The following SERINC5 variants were observed in gnomAD, a reference collection of about 807,000 sequenced individuals.
SERINC5 encodes the protein chromosome 5 open reading frame 12.
A neutral mutation model predicts 63.1 loss-of-function variants in SERINC5; 41 were observed. The ratio of observed to expected loss-of-function variants is 0.65; its 90% confidence interval spans 0.51 to 0.84. The LOEUF (loss-of-function observed/expected upper bound fraction) is 0.84. Ranked by LOEUF, SERINC5 falls within the 40% of genes least tolerant of loss-of-function variation. The pLI is 0.00. For synonymous variants in SERINC5, 222 were observed against 215.2 expected, an observed-to-expected ratio of 1.03 and a Z score of -0.28; for missense variants, 523 against 573.0, an observed-to-expected ratio of 0.91 and a Z score of 0.89.
intron 8 of SERINC5, among the ~76,000 whole-genome samples, chr5:80,155,661 T>G (rs142545906): frequency 6.6e-6 from 1 of 151,758 alleles, no homozygotes; most frequent in African/African-American, 2.4e-5. Context: ...TCCCAGCTAC[T>G]TGGGAGGCTG....
chr5:80,249,142 G>A (rs183019598), intron 1 of SERINC5, among the ~76,000 whole-genome samples: 1,927 of 152,056 alleles, frequency 0.013, 38 homozygotes, highest in African/African-American at 0.042. Flanking sequence ...GTGAAACCCC[G>A]TCTCTACTAA....
chr5:80,155,610 G>GAAAA (rs1554061049), intron 8 of SERINC5, among the ~76,000 whole-genome samples: 1 of 148,988 alleles, frequency 6.7e-6, no homozygotes, highest in African/African-American at 2.5e-5. Context: ...GAGAGAGAGA[G>GAAAA]AAAACCATCA....
downstream of SERINC5, among the ~76,000 whole-genome samples, chr5:80,138,471 C>T (rs1038565347): frequency 3.3e-5 from 5 of 152,080 alleles, no homozygotes; most frequent in African/African-American, 1.2e-4. Context: ...TAGCACATGC[C>T]TGTAATCCCA....
chr5:80,178,537 ATTTTTTTTTTTTTTTTT>A (rs1182662594), intron 2 of SERINC5, among the ~76,000 whole-genome samples: 1 of 77,554 alleles, frequency 1.3e-5, no homozygotes, highest in Non-Finnish European at 2.4e-5. Flanking sequence ...TAATTTTTGT[ATTTTTTTTTTTTTTTTT>A]TTTTTTGTAG....
intron 1 of SERINC5, among the ~76,000 whole-genome samples, chr5:80,247,926 C>T (rs572016622): frequency 3.3e-4 from 51 of 152,300 alleles, no homozygotes; most frequent in Non-Finnish European, 6.6e-4. Flanking sequence ...TGGCTCACTG[C>T]AGCCTCGACC....
At position 80,141,924 on chromosome 5, in the gene SERINC5, AATTT is replaced by A. The variant is rs530785948; in HGVS notation, c.*1735_*1738del. 439 of 985,340 alleles carry A rather than the reference AATTT, an allele frequency of 4.5e-4. 6 individuals are homozygous for A. The Admixed American group carries it at 0.023, about 52-fold the overall frequency. 61.0% of individuals were successfully genotyped at this position (985,340 alleles called of 1,614,324 possible). A position where few individuals can be genotyped will look rare whatever the true frequency, so the allele number is the denominator to read the frequency against. ...AGTTCTAAAGGAATTCATCCCCTGT[AATTT>A]GTTTCCCCATGGGTTTTCTTGGGAG... On this transcript the variant is annotated 3_prime_UTR_variant, in exon 12 of 12. Coordinates refer to ENST00000507668, the MANE Select transcript of SERINC5 (RefSeq NM_001174072.3).
chr5:80,118,344 T>A (rs892376275), intron 11 of SERINC5, among the ~76,000 whole-genome samples: 1 of 152,192 alleles, frequency 6.6e-6, no homozygotes, highest in Non-Finnish European at 1.5e-5. Context: ...CCATCTATCT[T>A]AGACTGTTCA....
chr5:80,117,725 G>A (rs1387495313), intron 11 of SERINC5, among the ~76,000 whole-genome samples: 1 of 151,032 alleles, frequency 6.6e-6, no homozygotes, highest in Non-Finnish European at 1.5e-5. Context: ...CCAGAAGTCT[G>A]AAAGTACTAT....
intron 7 of SERINC5, among the ~76,000 whole-genome samples, chr5:80,164,437 C>T (rs1421748898): frequency 6.6e-6 from 1 of 151,874 alleles, no homozygotes; most frequent in Non-Finnish European, 1.5e-5. Flanking sequence ...TGCAGTGGTG[C>T]AATAAGAGCT....
intron 2 of SERINC5, among the ~76,000 whole-genome samples, chr5:80,202,315 T>C (rs1450947978): frequency 2.6e-5 from 4 of 152,122 alleles, no homozygotes; most frequent in Non-Finnish European, 5.9e-5. Flanking sequence ...GAAAAGATAG[T>C]ATATTTCATC....
chr5:80,229,261 T>C (rs1386109073), intron 1 of SERINC5, among the ~76,000 whole-genome samples: 2 of 151,750 alleles, frequency 1.3e-5, no homozygotes, highest in Non-Finnish European at 2.9e-5. Flanking sequence ...TGACCTCAAG[T>C]GATCCACCTG....
At chr5:80,243,680 A>T (rs1752042975) in intron 1 of SERINC5, among the ~76,000 whole-genome samples, 1 of 151,924 alleles carries the variant, frequency 6.6e-6, no homozygotes, top group Non-Finnish European at 1.5e-5. Flanking sequence ...CCAAGGCAGG[A>T]GGATTGCTTA....
intron 1 of SERINC5, among the ~76,000 whole-genome samples, chr5:80,232,644 C>CACACACCCAGCTATATAT (rs1290341520): frequency 3.9e-5 from 6 of 151,996 alleles, no homozygotes; most frequent in Admixed American, 3.9e-4. Flanking sequence ...ATTAGCTGGG[C>CACACACCCAGCTATATAT]ATAGTGGCAC....
At chr5:80,255,803 G>T in intron 1 of SERINC5, 93 bp downstream of exon 1, 1 of 1,362,698 alleles carries the variant, frequency 7.3e-7, no homozygotes. Flanking sequence ...CGGCCGCGGA[G>T]CTGGGAGCGC....
At chr5:80,245,750 G>A (rs751973052) in intron 1 of SERINC5, among the ~76,000 whole-genome samples, 2 of 151,854 alleles carry the variant, frequency 1.3e-5, no homozygotes, top group Non-Finnish European at 1.5e-5. Context: ...GAGTATCTGG[G>A]ATTACAGGCA....
At chr5:80,158,779 CT>C in intron 8 of SERINC5, 56 bp downstream of exon 8, 3 of 1,553,276 alleles carry the variant, frequency 1.9e-6, no homozygotes, top group East Asian at 4.5e-5. Flanking sequence ...TATTTCAATT[CT>C]TTTCCTGTAA....
At chr5:80,199,068 A>G (rs1749673740) in intron 2 of SERINC5, among the ~76,000 whole-genome samples, 1 of 152,060 alleles carries the variant, frequency 6.6e-6, no homozygotes, top group African/African-American at 2.4e-5. Flanking sequence ...AGAATCTGTA[A>G]TGGCTTCCCA....
intron 11 of SERINC5, among the ~76,000 whole-genome samples, chr5:80,125,748 C>T (rs753499636): frequency 1.3e-5 from 2 of 152,078 alleles, no homozygotes; most frequent in East Asian, 1.9e-4. Context: ...TGGTGACCTA[C>T]GAGAGCAGCT....
chr5:80,233,617 T>C (rs1033224540), intron 1 of SERINC5, among the ~76,000 whole-genome samples: 1 of 151,976 alleles, frequency 6.6e-6, no homozygotes, highest in Non-Finnish European at 1.5e-5. Context: ...TTTTGAACAC[T>C]TGTTAATTTA....
Sources: gnomAD v4.1 joint callset for allele counts (sites outside exome capture counted in the v4.1 genomes callset) on GRCh38, gnomAD v4.1.1 for gene constraint, MANE v1.5 for transcripts, NCBI Gene and HGNC (gene_info 2026-07-23, HGNC 2026-07-21) for gene names.